ICAM2: variants seen among roughly 807,000 people sequenced by gnomAD.
ICAM2 encodes the protein intercellular adhesion molecule 2, also known as ICAM-2.
In ICAM2, 14 loss-of-function variants were observed where a neutral mutation model predicts 19.1. That is an observed-to-expected ratio of 0.73 (90% CI 0.48 to 1.15). ICAM2 has a LOEUF of 1.15. ICAM2 is among the 50% of genes most tolerant of loss of function. ICAM2 has a pLI of 0.00. For synonymous variants in ICAM2, 153 were observed against 152.7 expected, an observed-to-expected ratio of 1.00 and a Z score of -0.01; for missense variants, 311 against 355.4, an observed-to-expected ratio of 0.88 and a Z score of 1.00.
chr17:64,005,412 C>G (rs1911138693), intron 2 of ICAM2, 39 bp from the exon 3 acceptor site: 1 of 1,593,990 alleles, frequency 6.3e-7, no homozygotes, highest in Non-Finnish European at 8.6e-7. Flanking sequence ...TGTCATCCCC[C>G]CACCCCCTGC....
At chr17:64,014,616 GGA>G (rs777078541) in intron 1 of ICAM2, among the ~76,000 whole-genome samples, 152 of 86,250 alleles carry the variant, frequency 1.8e-3, no homozygotes, top group South Asian at 5.5e-3. Flanking sequence ...AGGGAGGGAG[GGA>G]GAGAGAGAGA....
Position 64,014,761 on chromosome 17 carries a change from GAAAGAA to G in ICAM2, c.-45+5756_-45+5761del, listed in dbSNP as rs1567849927. 1.4e-3 allele frequency among the ~76,000 whole-genome samples: 187 copies of G among 134,318 alleles called. 14 individuals carry two copies. The highest frequency in any genetic ancestry group is 4.8e-3 in the South Asian group (19 of 3,992). The allele number at this position is 134,318 out of a possible 152,430, so 88.1% of individuals were successfully genotyped here. A position where few individuals can be genotyped will look rare whatever the true frequency, so the allele number is the denominator to read the frequency against. On this transcript the variant is annotated intron_variant, in intron 1 of 4. Transcript: ENST00000579788. Reference sequence around the variant, plus strand: ...AGAAAGAAAGAAAGAAAGAAAGAAAGAAAGAAAAAGAAAGAAGGAAAATAAGTCTGA... The same window carrying G: ...AGAAAGAAAGAAAGAAAGAAAGAAAGAAAGAAAGAAGGAAAATAAGTCTGA...
intron 1 of ICAM2, among the ~76,000 whole-genome samples, chr17:64,012,843 G>A (rs1286396933): frequency 3.3e-5 from 5 of 152,110 alleles, no homozygotes; most frequent in African/African-American, 1.2e-4. Context: ...TGTTGGGAGG[G>A]TTCTGAAACC....
At chr17:64,003,596 C>T (rs1910963130) in intron 4 of ICAM2, 48 bp downstream of exon 4, 2 of 1,552,612 alleles carry the variant, frequency 1.3e-6, no homozygotes, top group South Asian at 2.4e-5. Context: ...CCCCGAGGGG[C>T]TGAAAGTGAC....
chr17:64,015,756 G>T (rs1241149428), intron 1 of ICAM2, among the ~76,000 whole-genome samples: 1 of 151,746 alleles, frequency 6.6e-6, no homozygotes, highest in Admixed American at 6.6e-5. Context: ...AAAAATAAAA[G>T]AAAACAAAAA....
At position 64,005,280 on chromosome 17, in the gene ICAM2, C is replaced by A. The variant is rs770042804; in HGVS notation, c.155G>T (p.Cys52Phe). The change falls in exon 3 of 5, where the codon TGT (cysteine) becomes TTT (phenylalanine). Residue 52 changes from cysteine (C) to phenylalanine (F), a missense_variant. Coordinates refer to ENST00000579788, the MANE Select transcript of ICAM2 (RefSeq NM_001099789.2). ...GSLEVNCSTT[C>F]NQPEVGGLET... is the part of the protein sequence containing the mutation. ...CAGACCACCCACTTCAGGCTGGTTA[C>A]AGGTGGTGCTGCAGTTGACCTCGAG... The A allele has an allele frequency of 1.2e-6, 2 of 1,614,176 alleles. No individual in the cohort carries two copies. Among genetic ancestry groups the A allele is most frequent in the South Asian group, 2.2e-5 (2 of 91,086 alleles).
intron 1 of ICAM2, among the ~76,000 whole-genome samples, chr17:64,016,338 C>T (rs1228598841): frequency 2.0e-5 from 3 of 152,186 alleles, no homozygotes; most frequent in African/African-American, 4.8e-5. Context: ...CACTTCTGCC[C>T]TCTGCTGATT....
chr17:64,006,577 C>T, intron 2 of ICAM2, 54 bp downstream of exon 2: 1 of 1,515,696 alleles, frequency 6.6e-7, no homozygotes. Flanking sequence ...ACAGGGCACC[C>T]CCACCCTCTC....
intron 2 of ICAM2, 128 bp from the exon 3 acceptor site, chr17:64,005,501 T>C: frequency 9.7e-7 from 1 of 1,034,784 alleles, no homozygotes; most frequent in Admixed American, 2.6e-5. Flanking sequence ...GGGACCCCGC[T>C]GCTACTTTCC....
At chr17:64,002,987 G>C (rs1438933572) in intron 4 of ICAM2, 62 bp from the exon 5 acceptor site, 4 of 1,512,546 alleles carry the variant, frequency 2.6e-6, no homozygotes, top group Non-Finnish European at 3.6e-6. Context: ...GGGACCAAAA[G>C]GGAGTGGAAG....
At chr17:64,016,724 C>T (rs2143249030) in intron 1 of ICAM2, among the ~76,000 whole-genome samples, 1 of 152,334 alleles carries the variant, frequency 6.6e-6, no homozygotes, top group East Asian at 1.9e-4. Context: ...TCCTTCCTTC[C>T]TGTCTGTTTT....
rs533678094 is a variant in ICAM2 at position 64,014,418 on chromosome 17, AGAAAG to A, written c.-45+6100_-45+6104del. On this transcript the variant is annotated intron_variant, in intron 1 of 4. Coordinates refer to ENST00000579788, the MANE Select transcript of ICAM2 (RefSeq NM_001099789.2). ...AAGGAAGGAAGGAAGAGAAAGAGAA[AGAAAG>A]GAAGGAAGGAAGGAAGAGAGAGAGA... Among the ~76,000 whole-genome samples the A allele has an allele frequency of 5.8e-4, 71 of 122,470 alleles. 2 individuals carry two copies. The East Asian group carries it at 0.017, about 29-fold the overall frequency. 80.3% of individuals were successfully genotyped at this position (122,470 alleles called of 152,430 possible).
intron 3 of ICAM2, 74 bp from the exon 4 acceptor site, chr17:64,004,038 A>G (rs1567844847): frequency 1.5e-5 from 17 of 1,150,916 alleles, no homozygotes; most frequent in Non-Finnish European, 1.6e-5. Context: ...GGCCAGGGCC[A>G]TCTCCTGTCA....
Position 64,005,160 on chromosome 17 carries a change from T to C in ICAM2, c.275A>G (p.His92Arg). 6.2e-7 allele frequency: 1 copy of C among 1,614,118 alleles called. No homozygotes were observed. Among genetic ancestry groups the C allele is most frequent in the Non-Finnish European group, 8.5e-7 (1 of 1,180,000 alleles). The change falls in exon 3 of 5, where the codon CAC becomes CGC. Residue 92 changes from histidine to arginine, a missense_variant. Physicochemically the swap from His to Arg is conservative, Grantham distance 29. Coordinates refer to ENST00000579788, the MANE Select transcript of ICAM2 (RefSeq NM_001099789.2). ...NISHDTVLQCHFTCSGKQESM... is the reference protein window; with the variant it reads ...NISHDTVLQCRFTCSGKQESM... ...CTCCTGCTTCCCGGAGCAGGTGAAG[T>C]GGCATTGGAGGACCGTGTCATGGGA... is the stretch of plus-strand genomic sequence containing the variant.
In ICAM2 at chr17:64,005,284, T is replaced by C. The variant is rs773836442; in HGVS notation, c.151A>G (p.Thr51Ala). 6.2e-7 allele frequency: 1 copy of C among 1,614,086 alleles called. No homozygotes were observed. Among genetic ancestry groups the C allele is most frequent in the Non-Finnish European group, 8.5e-7 (1 of 1,179,992 alleles). ...CCACCCACTTCAGGCTGGTTACAGG[T>C]GGTGCTGCAGTTGACCTCGAGGGAC... Reference protein sequence around the residue: ...KGSLEVNCSTTCNQPEVGGLE... With the variant: ...KGSLEVNCSTACNQPEVGGLE... The change falls in exon 3 of 5, where the codon ACC (threonine) becomes GCC (alanine). Residue 51 changes from threonine to alanine, a missense_variant. Physicochemically the swap from Thr to Ala is moderately conservative, Grantham distance 58. Coordinates refer to ENST00000579788, the MANE Select transcript of ICAM2 (RefSeq NM_001099789.2).
chr17:64,006,682 A>G lies in ICAM2; in HGVS notation c.10T>C (p.Phe4Leu). Residue 4 changes from phenylalanine to leucine, a missense_variant, in exon 2 of 5, where the codon TTC becomes CTC. Physicochemically the swap from Phe to Leu is conservative, Grantham distance 22. Coordinates refer to ENST00000579788, the MANE Select transcript of ICAM2 (RefSeq NM_001099789.2). ...GCCACAGTCAGGGTCCTGTAACCGA[A>G]AGAGGACATCTCTGGCAGTCTCCAC... MSS[F>L]GYRTLTVALF... 6.2e-7 allele frequency: 1 copy of G among 1,614,134 alleles called. No homozygotes were observed. The highest frequency in any genetic ancestry group is 8.5e-7 in the Non-Finnish European group (1 of 1,179,996).
chr17:64,011,884 A>G lies in ICAM2; in HGVS notation c.-44-5149T>C, dbSNP rs547386638. 1.4e-4 allele frequency among the ~76,000 whole-genome samples: 21 copies of G among 152,368 alleles called. No homozygotes were observed. The South Asian group carries it at 3.9e-3, about 29-fold the overall frequency. ...GGCTCCTCAAAAAATTAAAAGTAGA[A>G]CTACAGAGGATCTAGCAATCCCACT... On this transcript the variant is annotated intron_variant, in intron 1 of 4. Transcript: ENST00000579788.
At chr17:64,013,170 G>A (rs142664503) in intron 1 of ICAM2, among the ~76,000 whole-genome samples, 2,710 of 152,246 alleles carry the variant, frequency 0.018, 77 homozygotes, top group African/African-American at 0.062. Context: ...AAATTAGCTG[G>A]ACATGGTGGC....
chr17:64,009,368 C>T (rs1055523094), intron 1 of ICAM2, among the ~76,000 whole-genome samples: 2 of 151,586 alleles, frequency 1.3e-5, no homozygotes, highest in Non-Finnish European at 2.9e-5. Context: ...CCCAAGTCCA[C>T]AAGGCTGACC....
Sources: allele counts gnomAD v4.1 joint callset (sites outside exome capture counted in the v4.1 genomes callset), GRCh38; gene constraint gnomAD v4.1.1; transcripts MANE v1.5; gene names NCBI Gene and HGNC (gene_info 2026-07-23, HGNC 2026-07-21).